Variants in STK39 observed in about 807,000 individuals in gnomAD.
STK39 encodes the protein STE20/SPS1-related proline-alanine-rich protein kinase.
A neutral mutation model predicts 77.8 loss-of-function variants in STK39; 20 were observed. The ratio of observed to expected loss-of-function variants is 0.26; its 90% confidence interval spans 0.18 to 0.37. STK39 has a LOEUF of 0.37. Among genes scored for constraint, STK39 ranks in the 10% least tolerant of loss-of-function variants. STK39 has a pLI of 1.00. For synonymous variants in STK39, 246 were observed against 234.1 expected, an observed-to-expected ratio of 1.05 and a Z score of -0.47; for missense variants, 479 against 656.5, an observed-to-expected ratio of 0.73 and a Z score of 2.95.
At chr2:168,092,724 A>G (rs16854702) in intron 10 of STK39, among the ~76,000 whole-genome samples, 1 of 152,130 alleles carries the variant, frequency 6.6e-6, no homozygotes, top group African/African-American at 2.4e-5. Flanking sequence ...ACATCTGCTC[A>G]TCGTTAGTAA....
At chr2:168,102,631 T>C (rs1686860383) in intron 10 of STK39, among the ~76,000 whole-genome samples, 2 of 152,128 alleles carry the variant, frequency 1.3e-5, no homozygotes, top group Admixed American at 6.5e-5. Context: ...ATTTATACTG[T>C]TTAAAAATCT....
chr2:168,020,245 T>C (rs1684537192), intron 14 of STK39, among the ~76,000 whole-genome samples: 1 of 152,184 alleles, frequency 6.6e-6, no homozygotes, highest in South Asian at 2.1e-4. Flanking sequence ...TATATGTCAA[T>C]ATAAATTTTA....
chr2:168,247,091 TG>T, intron 1 of STK39, 136 bp downstream of exon 1: 2 of 96,240 alleles, frequency 2.1e-5, no homozygotes, highest in Non-Finnish European at 3.5e-5. Context: ...AAAAAAAAAC[TG>T]TTGAAGCCAG....
At chr2:168,158,279 C>A (rs917336406) in intron 5 of STK39, among the ~76,000 whole-genome samples, 2 of 152,206 alleles carry the variant, frequency 1.3e-5, no homozygotes, top group Non-Finnish European at 2.9e-5. Context: ...TTCTCTTAAA[C>A]CCTGAGTAGG....
chr2:168,125,044 G>GC (rs1210773351), intron 10 of STK39, among the ~76,000 whole-genome samples: 3 of 152,074 alleles, frequency 2.0e-5, no homozygotes, highest in Non-Finnish European at 4.4e-5. Context: ...GATGGGTGCA[G>GC]CAAACCACCA....
intron 10 of STK39, among the ~76,000 whole-genome samples, chr2:168,075,626 A>C (rs1686059986): frequency 6.6e-6 from 1 of 151,920 alleles, no homozygotes; most frequent in African/African-American, 2.4e-5. Context: ...CATCCTGCTG[A>C]CTGAGCAAAG....
chr2:167,981,477 G>A (rs1318611199), intron 16 of STK39, among the ~76,000 whole-genome samples: 2 of 152,110 alleles, frequency 1.3e-5, no homozygotes, highest in African/African-American at 4.8e-5. Context: ...CTCTAACAAG[G>A]TAAAATGTTT....
At chr2:167,975,686 T>C (rs1435446350) in intron 16 of STK39, among the ~76,000 whole-genome samples, 1 of 152,198 alleles carries the variant, frequency 6.6e-6, no homozygotes, top group Non-Finnish European at 1.5e-5. Context: ...TGGTGGTGGG[T>C]TCCTGTGGTC....
chr2:168,214,361 ATTGT>A (rs1689972095), intron 1 of STK39, among the ~76,000 whole-genome samples: 2 of 152,222 alleles, frequency 1.3e-5, no homozygotes, highest in South Asian at 2.1e-4. Flanking sequence ...AAGATCACAT[ATTGT>A]TTAATTCCAT....
At chr2:168,072,016 C>T (rs1280705814) in intron 12 of STK39, among the ~76,000 whole-genome samples, 3 of 151,978 alleles carry the variant, frequency 2.0e-5, no homozygotes, top group Non-Finnish European at 4.4e-5. Context: ...CCTAAGTGCT[C>T]GCCAAGAAGG....
intron 10 of STK39, among the ~76,000 whole-genome samples, chr2:168,088,602 G>A (rs959045698): frequency 6.6e-6 from 1 of 152,074 alleles, no homozygotes; most frequent in Admixed American, 6.5e-5. Flanking sequence ...TCCATATTAT[G>A]GAATAGTATG....
At chr2:167,962,490 GT>G (rs1692011881) in intron 17 of STK39, among the ~76,000 whole-genome samples, 1 of 152,156 alleles carries the variant, frequency 6.6e-6, no homozygotes, top group East Asian at 1.9e-4. Flanking sequence ...CCTGAGTTTG[GT>G]TTTCGTTAAC....
intron 8 of STK39, among the ~76,000 whole-genome samples, chr2:168,132,653 T>A (rs975177577): frequency 1.3e-5 from 2 of 152,170 alleles, no homozygotes; most frequent in Non-Finnish European, 2.9e-5. Context: ...AATTTAAATG[T>A]CATCTTCAAA....
chr2:168,235,788 C>T (rs61568864), intron 1 of STK39, among the ~76,000 whole-genome samples: 1,747 of 152,110 alleles, frequency 0.011, 31 homozygotes, highest in African/African-American at 0.04. Context: ...ATGAACTCAT[C>T]CTTTTTTATG....
At chr2:168,006,571 A>C (rs541278668) in intron 16 of STK39, among the ~76,000 whole-genome samples, 1 of 152,180 alleles carries the variant, frequency 6.6e-6, no homozygotes, top group Non-Finnish European at 1.5e-5. Flanking sequence ...AAACAACTAG[A>C]ATAGGGACTC....
chr2:168,120,679 T>A (rs1687382737), intron 10 of STK39, among the ~76,000 whole-genome samples: 1 of 152,164 alleles, frequency 6.6e-6, no homozygotes, highest in Non-Finnish European at 1.5e-5. Context: ...TATTAAAAAA[T>A]TTTGCTATAA....
chr2:168,175,482 C>T (rs535197226), intron 2 of STK39, among the ~76,000 whole-genome samples: 1 of 152,070 alleles, frequency 6.6e-6, no homozygotes, highest in South Asian at 2.1e-4. Context: ...ATGTAGAAAA[C>T]AATTAAAAGT....
At chr2:168,162,434 C>G (rs1314267037) in intron 4 of STK39, among the ~76,000 whole-genome samples, 2 of 151,790 alleles carry the variant, frequency 1.3e-5, no homozygotes, top group East Asian at 3.9e-4. Flanking sequence ...AATAGACTCT[C>G]TATTTTATGC....
chr2:168,051,187 C>A (rs530760967), intron 14 of STK39, among the ~76,000 whole-genome samples: 12 of 152,256 alleles, frequency 7.9e-5, no homozygotes, highest in South Asian at 6.2e-4. Flanking sequence ...ACAACCTTCC[C>A]TAATAAAACT....
Sources: allele counts gnomAD v4.1 joint callset (sites outside exome capture counted in the v4.1 genomes callset), GRCh38; gene constraint gnomAD v4.1.1; transcripts MANE v1.5; gene names NCBI Gene and HGNC (gene_info 2026-07-23, HGNC 2026-07-21).